The following MERTK variants were observed in gnomAD, a reference collection of about 807,000 sequenced individuals.
MERTK encodes the protein MER proto-oncogene, tyrosine kinase, also known as tyrosine-protein kinase Mer.
In MERTK, 69 loss-of-function variants were observed where a neutral mutation model predicts 99.3. The ratio of observed to expected loss-of-function variants is 0.70; its 90% CI spans 0.57 to 0.85. The LOEUF is 0.85. Among genes scored for constraint, MERTK ranks in the 40% least tolerant of loss-of-function variants. The probability of loss-of-function intolerance (pLI) is 0.00; values close to 1 mark genes in which losing one functional copy is unlikely to be tolerated. For missense variants in MERTK, 1,125 were observed against 1,249.4 expected (o/e 0.90, Z 1.50); for synonymous variants, 426 against 467.6 (o/e 0.91, Z 1.15).
chr2:111,964,368 C>CGTGTGTGTGTGTGT (rs200168355), intron 4 of MERTK, among the ~76,000 whole-genome samples: 7 of 141,162 alleles, frequency 5.0e-5, no homozygotes, highest in East Asian at 2.1e-4. Flanking sequence ...ATCATTGTCT[C>CGTGTGTGTGTGTGT]GTGTGTGTGT....
intron 13 of MERTK, among the ~76,000 whole-genome samples, chr2:112,007,072 ATT>A (rs1676994975): frequency 1.3e-5 from 2 of 152,184 alleles, no homozygotes; most frequent in Non-Finnish European, 2.9e-5. Flanking sequence ...CATTTTAACC[ATT>A]TTAAGTGTAC....
At chr2:111,909,351 C>T (rs1573562076) in intron 1 of MERTK, among the ~76,000 whole-genome samples, 1 of 152,156 alleles carries the variant, frequency 6.6e-6, no homozygotes, top group South Asian at 2.1e-4. Flanking sequence ...CAGGCCTTTC[C>T]TGGGCCTTGA....
At chr2:111,983,487 G>A (rs1011039794) in intron 8 of MERTK, among the ~76,000 whole-genome samples, 28 of 152,232 alleles carry the variant, frequency 1.8e-4, no homozygotes, top group African/African-American at 6.8e-4. Flanking sequence ...GGAGGAGACC[G>A]AGCAAGCTCT....
intron 2 of MERTK, among the ~76,000 whole-genome samples, chr2:111,936,063 C>T (rs924521524): frequency 7.2e-5 from 11 of 152,022 alleles, no homozygotes; most frequent in African/African-American, 2.7e-4. Flanking sequence ...AGTACAGGCG[C>T]CCGCCACCAT....
rs576671313 is a variant in MERTK at position 112,013,940 on chromosome 2, C to T, written c.2079+3874C>T. Among the ~76,000 whole-genome samples, 49 of 152,198 alleles carry T rather than the reference C, an allele frequency of 3.2e-4. 1 individual carries two copies. Among genetic ancestry groups the T allele is most frequent in the Middle Eastern group, 6.8e-3 (2 of 294 alleles). ...CTCAATCTCGGCTCACCACAGCCTCCGCCTCCCGGGTTCAAGTGATTCTCC... is the reference window on the plus strand; with the variant it reads ...CTCAATCTCGGCTCACCACAGCCTCTGCCTCCCGGGTTCAAGTGATTCTCC... On this transcript the variant is annotated intron_variant, in intron 15 of 18. Transcript: ENST00000295408.
chr2:111,943,776 G>C (rs1049970179), intron 2 of MERTK, among the ~76,000 whole-genome samples: 1 of 152,166 alleles, frequency 6.6e-6, no homozygotes, highest in African/African-American at 2.4e-5. Flanking sequence ...AGTCATTGCA[G>C]TCCTGGTAAA....
intron 4 of MERTK, among the ~76,000 whole-genome samples, chr2:111,958,707 C>T (rs1408376551): frequency 6.6e-5 from 10 of 152,166 alleles, no homozygotes; most frequent in Non-Finnish European, 8.8e-5. Flanking sequence ...GGAGAAATGA[C>T]TGTCCATTTG....
chr2:111,918,327 T>C (rs1039258944), intron 1 of MERTK, among the ~76,000 whole-genome samples: 1 of 152,240 alleles, frequency 6.6e-6, no homozygotes, highest in Non-Finnish European at 1.5e-5. Context: ...AATTGTTTTT[T>C]CCTTAAGGAT....
chr2:111,941,433 T>C (rs959437298), intron 2 of MERTK, among the ~76,000 whole-genome samples: 9 of 152,180 alleles, frequency 5.9e-5, no homozygotes, highest in Non-Finnish European at 1.3e-4. Flanking sequence ...AACACCCATA[T>C]CTTCAGTGCT....
At chr2:111,968,084 T>C (rs1329012594) in intron 5 of MERTK, 53 bp from the exon 6 acceptor site, 1 of 1,226,706 alleles carries the variant, frequency 8.2e-7, no homozygotes, top group East Asian at 2.3e-5. Context: ...TAGCCTGTCA[T>C]CTATAATTGT....
intron 4 of MERTK, among the ~76,000 whole-genome samples, chr2:111,954,070 G>T (rs1419506413): frequency 6.6e-6 from 1 of 152,090 alleles, no homozygotes; most frequent in African/African-American, 2.4e-5. Context: ...GATTAAAGAG[G>T]TTCTCCTAAA....
At chr2:111,956,595 T>A (rs1293205090) in intron 4 of MERTK, among the ~76,000 whole-genome samples, 1 of 152,240 alleles carries the variant, frequency 6.6e-6, no homozygotes, top group Non-Finnish European at 1.5e-5. Flanking sequence ...TAGTTCATAA[T>A]GCCCACAGTA....
chr2:111,955,786 A>G (rs1423801486), intron 4 of MERTK, among the ~76,000 whole-genome samples: 1 of 152,208 alleles, frequency 6.6e-6, no homozygotes, highest in Non-Finnish European at 1.5e-5. Flanking sequence ...AAAGAATTTT[A>G]TCATGGGCAA....
chr2:111,954,521 G>GTGCCTGGC lies in MERTK; in HGVS notation c.757+6954_757+6955insTGCCTGGC, dbSNP rs1685113682. On this transcript the variant is annotated intron_variant, in intron 4 of 18. Coordinates refer to ENST00000295408, the MANE Select transcript of MERTK (RefSeq NM_006343.3). The stretch of plus-strand genomic sequence containing the variant: ...ACCCAGCACAGTGCCTGGCACATAA[G>GTGCCTGGC]AACTATGTGAATGAATGAATGAACT... Among the ~76,000 whole-genome samples the GTGCCTGGC allele has an allele frequency of 2.0e-5, 3 of 152,190 alleles. No individual in the cohort carries two copies. In the South Asian group the frequency reaches 6.2e-4, roughly 32 times the overall value.
At chr2:111,989,259 G>T (rs1676558602) in intron 8 of MERTK, among the ~76,000 whole-genome samples, 1 of 152,050 alleles carries the variant, frequency 6.6e-6, no homozygotes, top group African/African-American at 2.4e-5. Flanking sequence ...CTTTGAACGA[G>T]TCACCTTTGT....
chr2:111,915,793 G>T (rs1032907164), intron 1 of MERTK, among the ~76,000 whole-genome samples: 3 of 152,140 alleles, frequency 2.0e-5, no homozygotes, highest in Non-Finnish European at 2.9e-5. Context: ...TATTTGGGGA[G>T]CTGAGGCAGG....
intron 4 of MERTK, among the ~76,000 whole-genome samples, chr2:111,960,800 T>G (rs1248636554): frequency 6.6e-6 from 1 of 151,892 alleles, no homozygotes; most frequent in South Asian, 2.1e-4. Flanking sequence ...TGGGTGTTGG[T>G]GTCAAGATAT....
At chr2:111,941,104 C>T (rs1383820461) in intron 2 of MERTK, 14 of 378,656 alleles carry the variant, frequency 3.7e-5, no homozygotes, top group Non-Finnish European at 6.6e-5. Context: ...CCGTCACTAA[C>T]TTCCTGGGAC....
intron 6 of MERTK, among the ~76,000 whole-genome samples, chr2:111,969,826 G>A (rs965054798): frequency 2.6e-5 from 4 of 151,820 alleles, no homozygotes; most frequent in African/African-American, 9.7e-5. Context: ...TGAGTAGCTG[G>A]GACTACAGGC....
Sources: allele counts gnomAD v4.1 joint callset (sites outside exome capture counted in the v4.1 genomes callset), GRCh38; gene constraint gnomAD v4.1.1; transcripts MANE v1.5; gene names NCBI Gene and HGNC (gene_info 2026-07-23, HGNC 2026-07-21).